The following KIAA1217 variants were observed in gnomAD, a reference collection of about 807,000 sequenced individuals.
KIAA1217 encodes sickle tail protein homolog.
A neutral mutation model predicts 163.9 loss-of-function variants in KIAA1217; 88 were observed. The observed-to-expected ratio is 0.54, with a 90% CI of 0.45 to 0.64. The LOEUF (loss-of-function observed/expected upper bound fraction) is 0.64. Ranked by LOEUF, KIAA1217 falls within the 30% of genes least tolerant of loss-of-function variation. The pLI is 0.00. For synonymous variants in KIAA1217, 903 were observed against 923.1 expected, an observed-to-expected ratio of 0.98 and a Z score of 0.39; for missense variants, 2,372 against 2,475.0, an observed-to-expected ratio of 0.96 and a Z score of 0.88.
chr10:23,836,431 G>A (rs1032032935), intron 1 of KIAA1217, among the ~76,000 whole-genome samples: 1 of 151,704 alleles, frequency 6.6e-6, no homozygotes, highest in Non-Finnish European at 1.5e-5. Context: ...GGAGCAGACC[G>A]CCATGCAGGA....
At chr10:23,766,587 C>CTTTTTTTTTTTTTTTTTTTTTT (rs766892555) in intron 1 of KIAA1217, among the ~76,000 whole-genome samples, 4 of 133,756 alleles carry the variant, frequency 3.0e-5, no homozygotes, top group Non-Finnish European at 3.2e-5. Context: ...TTCTTTCTTT[C>CTTTTTTTTTTTTTTTTTTTTTT]TTTTTTCTTT....
intron 1 of KIAA1217, 98 bp downstream of exon 1, chr10:24,209,361 A>T: frequency 5.0e-6 from 1 of 201,020 alleles, no homozygotes; most frequent in Non-Finnish European, 7.2e-6. Flanking sequence ...CCGGCAAAGG[A>T]AAAAAAAAAA....
At chr10:24,272,186 T>G (rs1209172337) in intron 2 of KIAA1217, among the ~76,000 whole-genome samples, 1 of 152,158 alleles carries the variant, frequency 6.6e-6, no homozygotes, top group Non-Finnish European at 1.5e-5. Flanking sequence ...TGCAGTAAAA[T>G]TAGATAAGGG....
intron 2 of KIAA1217, among the ~76,000 whole-genome samples, chr10:24,111,570 T>G (rs2062846477): frequency 6.6e-6 from 1 of 152,186 alleles, no homozygotes; most frequent in Admixed American, 6.5e-5. Flanking sequence ...TTGTGAAATA[T>G]AAAAAGTCCT....
chr10:24,307,139 G>A (rs955458238), intron 2 of KIAA1217, among the ~76,000 whole-genome samples: 4 of 152,150 alleles, frequency 2.6e-5, no homozygotes, highest in African/African-American at 7.2e-5. Flanking sequence ...GAAAATAGAT[G>A]CATTTCTTCC....
At chr10:23,754,476 C>T (rs1889779) in intron 1 of KIAA1217, among the ~76,000 whole-genome samples, 39,711 of 152,116 alleles carry the variant, frequency 0.26, 5,491 homozygotes, top group African/African-American at 0.34. Flanking sequence ...TTTTCTCACA[C>T]AGTCTAACAG....
upstream of KIAA1217, among the ~76,000 whole-genome samples, chr10:24,208,279 T>A (rs2067677725): frequency 6.6e-6 from 1 of 152,038 alleles, no homozygotes; most frequent in South Asian, 2.1e-4. Context: ...AGAAATGCAT[T>A]TTCACTGTCT....
At chr10:24,205,733 A>T (rs1348591094), upstream of KIAA1217, among the ~76,000 whole-genome samples, 1 of 151,820 alleles carries the variant, frequency 6.6e-6, no homozygotes, top group Non-Finnish European at 1.5e-5. Flanking sequence ...AGATCATGCC[A>T]CTGCACTCCA....
At chr10:24,213,240 T>C (rs548988312) in intron 1 of KIAA1217, among the ~76,000 whole-genome samples, 1 of 152,304 alleles carries the variant, frequency 6.6e-6, no homozygotes, top group East Asian at 1.9e-4. Context: ...AACTGTATCA[T>C]ATTCTCTTTG....
At chr10:24,179,537 C>G (rs2066068673) in intron 2 of KIAA1217, among the ~76,000 whole-genome samples, 1 of 152,120 alleles carries the variant, frequency 6.6e-6, no homozygotes, top group Admixed American at 6.5e-5. Flanking sequence ...AACCAGGAGC[C>G]AATTAAACCT....
At chr10:24,093,062 C>T (rs556476241) in intron 2 of KIAA1217, among the ~76,000 whole-genome samples, 1 of 151,680 alleles carries the variant, frequency 6.6e-6, no homozygotes, top group African/African-American at 2.4e-5. Context: ...AGCATGATCT[C>T]GACTCACTGC....
At chr10:24,321,410 A>C (rs569757613) in intron 2 of KIAA1217, among the ~76,000 whole-genome samples, 2 of 152,066 alleles carry the variant, frequency 1.3e-5, no homozygotes, top group Admixed American at 1.3e-4. Context: ...GTAGTGGTGC[A>C]TGCCTGTAAT....
intron 5 of KIAA1217, among the ~76,000 whole-genome samples, chr10:24,459,461 G>C (rs2062137989): frequency 6.6e-6 from 1 of 152,100 alleles, no homozygotes; most frequent in African/African-American, 2.4e-5. Flanking sequence ...TAGAATGTAA[G>C]TTCTTCAGAG....
intron 2 of KIAA1217, among the ~76,000 whole-genome samples, chr10:24,112,531 T>G (rs970105518): frequency 2.0e-5 from 3 of 152,150 alleles, no homozygotes; most frequent in African/African-American, 7.2e-5. Flanking sequence ...TAAAATGAGA[T>G]CATACTAAAT....
Position 23,960,446 on chromosome 10 carries a change from G to A in KIAA1217, c.-320-46779G>A, listed in dbSNP as rs545312606. 1.7e-3 allele frequency among the ~76,000 whole-genome samples: 254 copies of A among 151,818 alleles called. 1 individual carries two copies. Among genetic ancestry groups the A allele is most frequent in the Admixed American group, 3.5e-3 (53 of 15,258 alleles). The stretch of plus-strand genomic sequence containing the variant: ...CTAATTTTGTATTTTTAGTAGAGAC[G>A]GGTTTTCTCCATGTTGGTCAGGCTG... On this transcript the variant is annotated intron_variant, in intron 1 of 18. Coordinates refer to the KIAA1217 transcript ENST00000376462.
At chr10:24,077,949 G>A (rs2061420454) in intron 2 of KIAA1217, among the ~76,000 whole-genome samples, 1 of 152,120 alleles carries the variant, frequency 6.6e-6, no homozygotes, top group African/African-American at 2.4e-5. Flanking sequence ...CAGTGGTGTT[G>A]AGCTTTTTTT....
rs937698216 is a variant in KIAA1217, at chr10:23,695,923, C to G, written c.-321+689C>G. On this transcript the variant is annotated intron_variant, in intron 1 of 18. Transcript: ENST00000376462. This position sits in a 1 kb window ranked among gnomAD's most constrained non-coding sequence, Gnocchi z 4.9. ...AGGTTTCGCGGAGGGCGACAGCGCC[C>G]GGGAGCAGGGTGACCCCCACAGCGG... 6.6e-6 allele frequency among the ~76,000 whole-genome samples: 1 copy of G among 152,166 alleles called. No homozygotes were observed. The highest frequency in any genetic ancestry group is 2.4e-5 in the African/African-American group (1 of 41,450).
intron 1 of KIAA1217, among the ~76,000 whole-genome samples, chr10:23,719,102 ACTACATGTTCATAGCAGCT>A (rs1337031154): frequency 2.0e-5 from 3 of 152,194 alleles, no homozygotes; most frequent in African/African-American, 7.2e-5. Context: ...ACATGTATAC[ACTACATGTTCATAGCAGCT>A]CTATTGACAA....
chr10:23,898,289 A>G (rs1431209062), intron 1 of KIAA1217, among the ~76,000 whole-genome samples: 1 of 148,178 alleles, frequency 6.7e-6, no homozygotes, highest in Non-Finnish European at 1.5e-5. Context: ...TTCTATATTT[A>G]TAAGACTATA....
Sources: gnomAD v4.1 joint callset for allele counts (sites outside exome capture counted in the v4.1 genomes callset) on GRCh38, gnomAD v4.1.1 for gene constraint, Gnocchi (gnomAD v3.1) non-coding constraint, MANE v1.5 for transcripts, NCBI Gene and HGNC (gene_info 2026-07-23, HGNC 2026-07-21) for gene names.